TNRC6A: variants seen among roughly 807,000 people sequenced by gnomAD.
The protein encoded by TNRC6A is trinucleotide repeat-containing gene 6A protein.
Under a neutral mutation model 221.2 loss-of-function variants are expected in TNRC6A, and 44 were observed. The observed-to-expected ratio is 0.20, with a 90% CI of 0.16 to 0.26. The LOEUF (loss-of-function observed/expected upper bound fraction) is 0.26, where lower values mean the gene tolerates loss of function less well. Among genes scored for constraint, TNRC6A ranks in the 10% least tolerant of loss-of-function variants. The probability of loss-of-function intolerance (pLI) is 1.00; values close to 1 mark genes in which losing one functional copy is unlikely to be tolerated. For missense variants in TNRC6A, 2,199 were observed against 2,404.4 expected (o/e 0.91, Z 1.79); for synonymous variants, 847 against 838.5 (o/e 1.01, Z -0.18).
intron 5 of TNRC6A, among the ~76,000 whole-genome samples, chr16:24,780,077 G>C (rs1279825700): frequency 1.3e-5 from 2 of 152,252 alleles, no homozygotes; most frequent in East Asian, 3.9e-4. Flanking sequence ...TGAAGGCTTT[G>C]GGGGGATGAC....
intron 2 of TNRC6A, among the ~76,000 whole-genome samples, chr16:24,657,317 CAAAAAA>C (rs56241898): frequency 0.031 from 2,723 of 88,260 alleles, 104 homozygotes; most frequent in African/African-American, 0.11. Flanking sequence ...GACCCTATCT[CAAAAAA>C]AAAAAAAAAA....
intron 2 of TNRC6A, among the ~76,000 whole-genome samples, chr16:24,719,162 G>T (rs1178606211): frequency 6.6e-6 from 1 of 152,138 alleles, no homozygotes; most frequent in African/African-American, 2.4e-5. Flanking sequence ...AGGTGGAGAT[G>T]TACTGATGAC....
At chr16:24,792,613 CTTTTTTTTTTTTT>C (rs34670934) in intron 6 of TNRC6A, among the ~76,000 whole-genome samples, 1 of 56,514 alleles carries the variant, frequency 1.8e-5, no homozygotes, top group Non-Finnish European at 2.9e-5. Flanking sequence ...ACATTTATGG[CTTTTTTTTTTTTT>C]TTTTTTTTTT....
chr16:24,612,479 G>A (rs1446408657), intron 1 of TNRC6A, among the ~76,000 whole-genome samples: 1 of 152,002 alleles, frequency 6.6e-6, no homozygotes, highest in African/African-American at 2.4e-5. Flanking sequence ...GGGCGCAGTG[G>A]CTCATATCTG....
chr16:24,786,366 C>T (rs1463925502), intron 5 of TNRC6A, among the ~76,000 whole-genome samples: 1 of 151,296 alleles, frequency 6.6e-6, no homozygotes, highest in African/African-American at 2.4e-5. Context: ...TGCTTTGTTG[C>T]CCAGGCTGGA....
chr16:24,631,771 CAA>C (rs201846797), intron 1 of TNRC6A, among the ~76,000 whole-genome samples: 6 of 138,662 alleles, frequency 4.3e-5, no homozygotes, highest in South Asian at 4.5e-4. Flanking sequence ...GATTCCACCT[CAA>C]AAAAAAAAAA....
chr16:24,674,073 T>C (rs1445860772), intron 2 of TNRC6A, among the ~76,000 whole-genome samples: 1 of 151,924 alleles, frequency 6.6e-6, no homozygotes, highest in Non-Finnish European at 1.5e-5. Context: ...ATGATCTTTT[T>C]TATTTTTCTT....
At chr16:24,670,974 A>G (rs148248099) in intron 2 of TNRC6A, 2 of 409,194 alleles carry the variant, frequency 4.9e-6, no homozygotes, top group East Asian at 1.9e-4. Context: ...CGTAATTAGC[A>G]TCTGGCCGTG....
chr16:24,666,422 G>A (rs1211594928), intron 2 of TNRC6A, among the ~76,000 whole-genome samples: 4 of 145,936 alleles, frequency 2.7e-5, no homozygotes, highest in African/African-American at 7.6e-5. Flanking sequence ...GCAGTGAGTC[G>A]AGATCGCGCC....
intron 18 of TNRC6A, among the ~76,000 whole-genome samples, chr16:24,812,044 TTTTTTTTTTTTTTTTTTTTTTTG>T (rs2058556297): frequency 9.7e-5 from 7 of 72,434 alleles, no homozygotes; most frequent in South Asian, 1.2e-3. Context: ...TTTTTTTTTT[TTTTTTTTTTTTTTTTTTTTTTTG>T]AGACAGAGTC....
In TNRC6A at chr16:24,825,908, G is replaced by A. The variant is rs919753426; in HGVS notation, c.*2101G>A. ...GCAGGAGCTCGGGGGCGAAACCTGT[G>A]TATGGATTTCAGTGTATGACTTCAG... On this transcript the variant is annotated 3_prime_UTR_variant, in exon 25 of 25. Transcript: ENST00000395799. 7.2e-5 allele frequency: 11 copies of A among 152,688 alleles called. No individual in the cohort carries two copies. The highest frequency in any genetic ancestry group is 4.6e-4 in the Admixed American group (7 of 15,292). 9.5% of individuals were successfully genotyped at this position (152,688 alleles called of 1,614,324 possible). A position where few individuals can be genotyped will look rare whatever the true frequency, so the allele number is the denominator to read the frequency against.
intron 5 of TNRC6A, among the ~76,000 whole-genome samples, chr16:24,779,928 C>T (rs1025972167): frequency 6.6e-6 from 1 of 152,108 alleles, no homozygotes; most frequent in African/African-American, 2.4e-5. Context: ...CCCTGGGCTG[C>T]CATTTTGGGG....
chr16:24,677,584 C>A (rs963588601), intron 2 of TNRC6A, among the ~76,000 whole-genome samples: 3 of 152,224 alleles, frequency 2.0e-5, no homozygotes, highest in African/African-American at 7.2e-5. Flanking sequence ...CAATCAGTCA[C>A]AGACCATGTG....
intron 2 of TNRC6A, among the ~76,000 whole-genome samples, chr16:24,702,720 A>G (rs1356938755): frequency 6.6e-6 from 1 of 152,096 alleles, no homozygotes; most frequent in Non-Finnish European, 1.5e-5. Flanking sequence ...CGGGTGACAC[A>G]GTGAGATGCT....
Position 24,822,965 on chromosome 16 carries a change from G to T in TNRC6A, c.5465G>T (p.Arg1822Leu). ...LNLPHGNALV[R>L]YSSKEEVVKA... ...CTCCCTCACGGAAATGCTCTGGTCCGCTACAGTTCAAAAGAAGAGGTAGTG... is the reference window on the plus strand; with the variant it reads ...CTCCCTCACGGAAATGCTCTGGTCCTCTACAGTTCAAAAGAAGAGGTAGTG... Residue 1822 changes from arginine (R) to leucine (L), a missense_variant, in exon 24 of 25, where the codon CGC (arginine) becomes CTC (leucine). Coordinates refer to ENST00000395799, the MANE Select transcript of TNRC6A (RefSeq NM_014494.4). 2 of 1,614,202 alleles carry T rather than the reference G, an allele frequency of 1.2e-6. No homozygotes were observed. The highest frequency in any genetic ancestry group is 1.7e-6 in the Non-Finnish European group (2 of 1,180,038).
At chr16:24,812,244 G>T (rs934606445) in intron 18 of TNRC6A, among the ~76,000 whole-genome samples, 2 of 151,672 alleles carry the variant, frequency 1.3e-5, no homozygotes, top group Admixed American at 1.3e-4. Flanking sequence ...TAGAGACAGG[G>T]TTTCACCATG....
intron 2 of TNRC6A, among the ~76,000 whole-genome samples, chr16:24,653,900 T>G (rs1902807514): frequency 6.6e-6 from 1 of 151,906 alleles, no homozygotes; most frequent in Non-Finnish European, 1.5e-5. Context: ...AGAAAGAAAA[T>G]TATTAACTTT....
intron 2 of TNRC6A, among the ~76,000 whole-genome samples, chr16:24,736,952 G>A (rs2151241272): frequency 6.6e-6 from 1 of 152,186 alleles, no homozygotes; most frequent in East Asian, 1.9e-4. Flanking sequence ...CTTGTTTTCA[G>A]CTTTGACCAG....
At chr16:24,639,006 A>G (rs1272364745) in intron 1 of TNRC6A, among the ~76,000 whole-genome samples, 1 of 152,240 alleles carries the variant, frequency 6.6e-6, no homozygotes, top group East Asian at 1.9e-4. Flanking sequence ...ATGTTGGTGC[A>G]AATACCTTCA....
Sources: allele counts gnomAD v4.1 joint callset (sites outside exome capture counted in the v4.1 genomes callset), GRCh38; gene constraint gnomAD v4.1.1; transcripts MANE v1.5; gene names NCBI Gene and HGNC (gene_info 2026-07-23, HGNC 2026-07-21).